Variants in RNGTT observed in about 807,000 individuals in gnomAD.
RNGTT encodes mRNA-capping enzyme.
A neutral mutation model predicts 79.3 loss-of-function variants in RNGTT; 33 were observed. The ratio of observed to expected loss-of-function variants is 0.42; its 90% CI spans 0.32 to 0.56. RNGTT has a LOEUF of 0.56. RNGTT is among the 20% of genes least tolerant of loss of function. The pLI, the probability that RNGTT is intolerant of heterozygous loss-of-function variation, is 0.17. For missense variants in RNGTT, 497 were observed against 739.1 expected, an observed-to-expected ratio of 0.67 and a Z score of 3.80; for synonymous variants, 222 against 235.9, an observed-to-expected ratio of 0.94 and a Z score of 0.54.
chr6:88,812,597 G>A (rs1367130795), intron 11 of RNGTT, among the ~76,000 whole-genome samples: 4 of 152,218 alleles, frequency 2.6e-5, no homozygotes, highest in African/African-American at 9.6e-5. Flanking sequence ...AGGGTCTAGT[G>A]GGGAGACCCC....
At chr6:88,944,526 C>A (rs1784945788) in intron 1 of RNGTT, among the ~76,000 whole-genome samples, 1 of 152,064 alleles carries the variant, frequency 6.6e-6, no homozygotes, top group Non-Finnish European at 1.5e-5. Flanking sequence ...TCAAGGGCCA[C>A]CAATCAATCC....
intron 4 of RNGTT, 35 bp from the exon 5 acceptor site, chr6:88,906,475 A>T: frequency 2.2e-6 from 3 of 1,350,456 alleles, no homozygotes; most frequent in African/African-American, 1.5e-5. Flanking sequence ...AAAATTAACA[A>T]ATCACTGCAG....
Position 88,929,093 on chromosome 6 carries a change from T to G in RNGTT, c.279-20A>C. ...CCATGTCTAGTAATATAGAAAAAGT[T>G]TTTTTGAAAAAAGAGATTACAAATT... On this transcript the variant is annotated intron_variant, in intron 3 of 15. Transcript: ENST00000369485. 1 of 1,598,482 alleles carries G rather than the reference T, an allele frequency of 6.3e-7. No homozygotes were observed. The highest frequency in any genetic ancestry group is 1.7e-4 in the Middle Eastern group (1 of 5,976).
intron 5 of RNGTT, among the ~76,000 whole-genome samples, chr6:88,905,509 G>C (rs1227673977): frequency 1.3e-5 from 2 of 152,158 alleles, no homozygotes; most frequent in African/African-American, 4.8e-5. Flanking sequence ...TACTTCAACT[G>C]ATTATATTCA....
chr6:88,911,921 T>C (rs1038201332), intron 4 of RNGTT, among the ~76,000 whole-genome samples: 8 of 150,456 alleles, frequency 5.3e-5, no homozygotes, highest in Non-Finnish European at 7.4e-5. Context: ...CTCCTGTCTC[T>C]ACAAAAAATT....
At chr6:88,786,103 T>A (rs1232414566) in intron 12 of RNGTT, among the ~76,000 whole-genome samples, 5 of 152,094 alleles carry the variant, frequency 3.3e-5, no homozygotes, top group African/African-American at 1.2e-4. Context: ...AAAACAAAAA[T>A]ATTTTCAAGA....
intron 6 of RNGTT, among the ~76,000 whole-genome samples, chr6:88,901,495 C>CATTTTTTTTTTTT (rs1783458450): frequency 3.0e-5 from 2 of 65,776 alleles, no homozygotes; most frequent in African/African-American, 1.4e-4. Flanking sequence ...GCACCCTGAT[C>CATTTTTTTTTTTT]TTTTTTTTTT....
chr6:88,835,799 C>T (rs1489717832), intron 11 of RNGTT, among the ~76,000 whole-genome samples: 1 of 151,722 alleles, frequency 6.6e-6, no homozygotes, highest in African/African-American at 2.4e-5. Context: ...CAGTAACTAC[C>T]AGAATTTTAA....
At chr6:88,673,394 A>G (rs1774731622) in intron 14 of RNGTT, among the ~76,000 whole-genome samples, 1 of 152,246 alleles carries the variant, frequency 6.6e-6, no homozygotes. Flanking sequence ...GTACAAGCCA[A>G]CATAGGAAAT....
intron 11 of RNGTT, among the ~76,000 whole-genome samples, chr6:88,811,608 T>C (rs559245516): frequency 6.6e-6 from 1 of 152,150 alleles, no homozygotes; most frequent in Non-Finnish European, 1.5e-5. Flanking sequence ...GAAAGGAGCC[T>C]TTTAAAAATA....
At chr6:88,918,075 T>C (rs186090812) in intron 4 of RNGTT, among the ~76,000 whole-genome samples, 100 of 152,172 alleles carry the variant, frequency 6.6e-4, no homozygotes, top group African/African-American at 2.4e-3. Context: ...CCCTGCACTT[T>C]AGGAGGCCGA....
At chr6:88,649,964 C>A (rs1582279290) in intron 14 of RNGTT, among the ~76,000 whole-genome samples, 1 of 152,244 alleles carries the variant, frequency 6.6e-6, no homozygotes, top group South Asian at 2.1e-4. Context: ...ACAGAATTGT[C>A]TTTACTTTTT....
intron 14 of RNGTT, among the ~76,000 whole-genome samples, chr6:88,646,256 T>A (rs1308457263): frequency 6.6e-6 from 1 of 152,208 alleles, no homozygotes; most frequent in Non-Finnish European, 1.5e-5. Context: ...TGCTCATCAC[T>A]GGCAATCAGA....
intron 2 of RNGTT, among the ~76,000 whole-genome samples, chr6:88,937,294 G>T (rs549327863): frequency 8.2e-4 from 124 of 151,956 alleles, no homozygotes; most frequent in African/African-American, 2.8e-3. Context: ...ACAGTGAACT[G>T]AGATCCCACC....
chr6:88,717,759 G>A (rs544555359), intron 13 of RNGTT, among the ~76,000 whole-genome samples: 2 of 152,082 alleles, frequency 1.3e-5, no homozygotes, highest in Non-Finnish European at 2.9e-5. Flanking sequence ...GAAGCTTTTC[G>A]ACAATAACCA....
intron 13 of RNGTT, among the ~76,000 whole-genome samples, chr6:88,686,215 C>T (rs932715047): frequency 2.7e-5 from 4 of 150,584 alleles, no homozygotes; most frequent in Non-Finnish European, 5.9e-5. Flanking sequence ...AGGAATAAAA[C>T]TAACAAAAGA....
intron 12 of RNGTT, among the ~76,000 whole-genome samples, chr6:88,775,624 AGTTT>A (rs1335114006): frequency 6.6e-6 from 1 of 152,226 alleles, no homozygotes; most frequent in Non-Finnish European, 1.5e-5. Flanking sequence ...GTACAGAATT[AGTTT>A]ATCACCTATA....
intron 8 of RNGTT, among the ~76,000 whole-genome samples, chr6:88,870,732 C>T (rs905108105): frequency 6.6e-6 from 1 of 151,956 alleles, no homozygotes; most frequent in African/African-American, 2.4e-5. Flanking sequence ...AAGAACATAC[C>T]AACATTGTCA....
intron 1 of RNGTT, among the ~76,000 whole-genome samples, chr6:88,960,701 A>C (rs1785587660): frequency 6.6e-6 from 1 of 152,256 alleles, no homozygotes; most frequent in African/African-American, 2.4e-5. Flanking sequence ...TTCTTCAGAA[A>C]ATAAAGCTTG....
Sources: allele counts gnomAD v4.1 joint callset (sites outside exome capture counted in the v4.1 genomes callset), GRCh38; gene constraint gnomAD v4.1.1; transcripts MANE v1.5; gene names NCBI Gene and HGNC (gene_info 2026-07-23, HGNC 2026-07-21).